The following LRP2 variants were observed in gnomAD, a reference collection of about 807,000 sequenced individuals.
LRP2 encodes low-density lipoprotein receptor-related protein 2.
In LRP2, 172 loss-of-function variants were observed where a neutral mutation model predicts 531.0. The ratio of observed to expected loss-of-function variants is 0.32; its 90% confidence interval spans 0.29 to 0.37. LRP2 has a LOEUF of 0.37. Among genes scored for constraint, LRP2 ranks in the 10% least tolerant of loss-of-function variants. The pLI is 1.00. For missense variants in LRP2, 5,167 were observed against 5,868.3 expected, an observed-to-expected ratio of 0.88 and a Z score of 3.90; for synonymous variants, 1,992 against 2,027.6, an observed-to-expected ratio of 0.98 and a Z score of 0.47.
intron 1 of LRP2, among the ~76,000 whole-genome samples, chr2:169,346,849 G>A (rs1023553018): frequency 6.6e-6 from 1 of 152,078 alleles, no homozygotes; most frequent in African/African-American, 2.4e-5. Context: ...TGCTTTTAAC[G>A]ACAACTTTTC....
intron 49 of LRP2, 136 bp from the exon 50 acceptor site, chr2:169,186,155 A>G (rs1687630298): frequency 1.3e-6 from 1 of 765,576 alleles, no homozygotes; most frequent in Admixed American, 2.5e-5. Flanking sequence ...AAGACTTCCA[A>G]AGACTGTGGA....
intron 9 of LRP2, among the ~76,000 whole-genome samples, chr2:169,286,667 T>A (rs1232341272): frequency 6.6e-6 from 1 of 152,198 alleles, no homozygotes; most frequent in African/African-American, 2.4e-5. Flanking sequence ...GGAAAATGTG[T>A]TATCTGGGCT....
Position 169,290,832 on chromosome 2 carries a change from T to C in LRP2, c.922+13A>G. 6.2e-7 allele frequency: 1 copy of C among 1,613,512 alleles called. No homozygotes were observed. Among genetic ancestry groups the C allele is most frequent in the Non-Finnish European group, 8.5e-7 (1 of 1,179,570 alleles). On this transcript the variant is annotated intron_variant, in intron 8 of 78. Transcript: ENST00000649046. ...TTTATCTGAAAGCTACCCAGGTAAA[T>C]GTCTATACTCACTACAGTATTTTCC...
In LRP2 at chr2:169,246,985, A is replaced by T. The variant is rs1179775383; in HGVS notation, c.2910T>A (p.Gly970=). The T allele has an allele frequency of 6.2e-7, 1 of 1,613,938 alleles. No individual in the cohort carries two copies. Among genetic ancestry groups the T allele is most frequent in the Non-Finnish European group, 8.5e-7 (1 of 1,180,008 alleles). The stretch of plus-strand genomic sequence containing the variant: ...GCGTGGGTTGATTACAGGCGTTAGA[A>T]CCTGCAAAAGCAAAGCCCCGAGGGA... ...LKSYDVNIQT[G]SNACNQPTHP... The change falls in exon 21 of 79, where the codon GGT becomes GGA. Residue 970 remains glycine, a splice_region_variant and synonymous_variant. Coordinates refer to ENST00000649046, the MANE Select transcript of LRP2 (RefSeq NM_004525.3).
chr2:169,265,970 C>A (rs1415728692), intron 16 of LRP2, among the ~76,000 whole-genome samples: 1 of 151,716 alleles, frequency 6.6e-6, no homozygotes, highest in African/African-American at 2.4e-5. Flanking sequence ...TTTGATAGAG[C>A]TATTAGAGCA....
rs1418481284 is a variant in LRP2 at position 169,193,856 on chromosome 2, T to C, written c.8735A>G (p.Lys2912Arg). 3 of 1,614,176 alleles carry C rather than the reference T, an allele frequency of 1.9e-6. No individual in the cohort carries two copies. The highest frequency in any genetic ancestry group is 2.5e-6 in the Non-Finnish European group (3 of 1,180,028). Residue 2912 changes from lysine (K) to arginine (R), a missense_variant, in exon 47 of 79, where the codon AAG becomes AGG. Around this residue, in one of 6 missense-constraint regions of LRP2, gnomAD observed 1,129 missense variants for 1,362.7 expected, o/e 0.83. Transcript: ENST00000649046. ...SERTCLADEF[K>R]CDGGRCIPSE... ...TGGGATGCACCTCCCACCATCACAC[T>C]TGAACTCATCAGCTAGGCATGTTCG...
intron 1 of LRP2, among the ~76,000 whole-genome samples, chr2:169,336,410 T>C (rs2105548242): frequency 6.6e-6 from 1 of 151,988 alleles, no homozygotes; most frequent in Non-Finnish European, 1.5e-5. Flanking sequence ...CGCGGTGGCA[T>C]GCACCTGTAA....
At chr2:169,136,510 CTTAA>C (rs1195453115) in intron 76 of LRP2, among the ~76,000 whole-genome samples, 1 of 152,058 alleles carries the variant, frequency 6.6e-6, no homozygotes, top group Non-Finnish European at 1.5e-5. Flanking sequence ...CTGTTCCTGC[CTTAA>C]CTGATGACAT....
intron 63 of LRP2, 70 bp from the exon 64 acceptor site, chr2:169,157,572 A>C: frequency 6.4e-7 from 1 of 1,574,110 alleles, no homozygotes; most frequent in Non-Finnish European, 8.7e-7. Context: ...GTATCAAAAG[A>C]AGCACCTACT....
At chr2:169,259,345 T>TAAA in intron 16 of LRP2, 128 bp from the exon 17 acceptor site, 18 of 421,832 alleles carry the variant, frequency 4.3e-5, no homozygotes, top group African/African-American at 2.0e-4. Context: ...TGGAATTCTT[T>TAAA]AAAAAAAAAA....
chr2:169,169,592 C>G, intron 60 of LRP2, 110 bp downstream of exon 60: 2 of 838,938 alleles, frequency 2.4e-6, no homozygotes, highest in South Asian at 1.3e-5. Context: ...GCATGCTGAA[C>G]AGACAATACT....
intron 3 of LRP2, among the ~76,000 whole-genome samples, chr2:169,311,539 G>A (rs1471257597): frequency 1.3e-5 from 2 of 152,166 alleles, no homozygotes; most frequent in Admixed American, 6.6e-5. Context: ...CTGAGTTTTA[G>A]TTTGATTGCA....
chr2:169,273,806 A>G (rs1294503482), intron 14 of LRP2, among the ~76,000 whole-genome samples: 1 of 152,166 alleles, frequency 6.6e-6, no homozygotes, highest in Non-Finnish European at 1.5e-5. Context: ...CAATAGGCAG[A>G]TGTCATTCTG....
Position 169,129,202 on chromosome 2 carries a change from T to C in LRP2, c.13729-118A>G, listed in dbSNP as rs775431041. The C allele has an allele frequency of 1.3e-4, 100 of 764,430 alleles. 3 individuals carry two copies. In the South Asian group the frequency reaches 1.4e-3, roughly 11 times the overall value. 47.4% of individuals were successfully genotyped at this position (764,430 alleles called of 1,614,324 possible). On this transcript the variant is annotated intron_variant, in intron 77 of 78. Transcript: ENST00000649046. ...CTGAAGGGTAAAGCAATTTGGGACC[T>C]GGGACCATGTGATTCAGCCCATATG... is the stretch of plus-strand genomic sequence containing the variant.
Position 169,289,088 on chromosome 2 carries a change from C to T in LRP2, c.980G>A (p.Gly327Glu). Residue 327 changes from glycine to glutamate, a missense_variant, in exon 9 of 79, where the codon GGA becomes GAA. Gly to Glu is a moderately conservative substitution (Grantham distance 98). This residue lies in a region of LRP2 where 2,811 missense variants were observed against 3,058.0 expected (regional missense o/e 0.92). Transcript: ENST00000649046. ...CQYQCHETPYGGACFCPPGYI... is the reference protein window; with the variant it reads ...CQYQCHETPYEGACFCPPGYI... ...ACCTGGGGGACAAAAACACGCTCCTCCATACGGCGTCTCATGGCACTGGTA... is the reference window on the plus strand; with the variant it reads ...ACCTGGGGGACAAAAACACGCTCCTTCATACGGCGTCTCATGGCACTGGTA... 3 of 1,614,124 alleles carry T rather than the reference C, an allele frequency of 1.9e-6. No individual in the cohort carries two copies. Among genetic ancestry groups the T allele is most frequent in the Non-Finnish European group, 2.5e-6 (3 of 1,180,004 alleles).
intron 5 of LRP2, 77 bp downstream of exon 5, chr2:169,294,523 G>T: frequency 1.9e-6 from 2 of 1,033,962 alleles, no homozygotes; most frequent in Non-Finnish European, 3.0e-6. Context: ...CTTGGGAAGA[G>T]ATGTACATAT....
chr2:169,152,704 T>G (rs1686188570), intron 67 of LRP2, 95 bp downstream of exon 67: 2 of 1,422,118 alleles, frequency 1.4e-6, no homozygotes, highest in African/African-American at 2.8e-5. Flanking sequence ...TGTACTCATA[T>G]CCAGGCCCAG....
At chr2:169,182,073 A>G in intron 51 of LRP2, 94 bp downstream of exon 51, 1 of 1,512,134 alleles carries the variant, frequency 6.6e-7, no homozygotes, top group Non-Finnish European at 9.2e-7. Context: ...CCAGCAAGAC[A>G]TTGGCCTTGA....
At chr2:169,202,681 A>C in intron 43 of LRP2, 75 bp downstream of exon 43, 2 of 1,448,774 alleles carry the variant, frequency 1.4e-6, no homozygotes, top group South Asian at 2.3e-5. Context: ...ATTCACACAT[A>C]GCAGGATTCC....
Sources: gnomAD v4.1 joint callset for allele counts (sites outside exome capture counted in the v4.1 genomes callset) on GRCh38, gnomAD v4.1.1 for gene constraint, gnomAD v4.1.1 regional missense constraint, MANE v1.5 for transcripts, NCBI Gene and HGNC (gene_info 2026-07-23, HGNC 2026-07-21) for gene names.